Variants in ACSM5 observed in about 807,000 individuals in gnomAD.
ACSM5 encodes the protein acyl-coenzyme A synthetase ACSM5, mitochondrial.
ACSM5 carries 56 observed loss-of-function variants against 71.6 expected under a neutral mutation model. The observed-to-expected ratio is 0.78, with a 90% CI of 0.63 to 0.98. The LOEUF (loss-of-function observed/expected upper bound fraction) is 0.98. Among genes scored for constraint, ACSM5 ranks in the 50% least tolerant of loss-of-function variants. The pLI is 0.00. For synonymous variants in ACSM5, 285 were observed against 281.5 expected, an observed-to-expected ratio of 1.01 and a Z score of -0.12; for missense variants, 723 against 726.0, an observed-to-expected ratio of 1.00 and a Z score of 0.05.
chr16:20,439,672 G>C (rs925238946), intron 12 of ACSM5, 128 bp from the exon 13 acceptor site: 3 of 1,167,236 alleles, frequency 2.6e-6, no homozygotes, highest in Non-Finnish European at 3.6e-6. Context: ...CATTGGCTGT[G>C]CCCAAAAAAA....
chr16:20,429,677 G>T lies in ACSM5; in HGVS notation c.1002-1G>T. 6 of 1,613,888 alleles carry T rather than the reference G, an allele frequency of 3.7e-6. No individual in the cohort carries two copies. The highest frequency in any genetic ancestry group is 2.2e-5 in the East Asian group (1 of 44,834). On this transcript the variant is annotated splice_acceptor_variant, in intron 7 of 13. Transcript: ENST00000331849. LOFTEE classifies it high-confidence loss of function. Reference sequence around the variant, plus strand: ...TGGCCTTGTTTTCCTGTCTGAGAAAGGTACCAGTTTCAGAGCCTGAGGCAC... The same window carrying T: ...TGGCCTTGTTTTCCTGTCTGAGAAATGTACCAGTTTCAGAGCCTGAGGCAC...
Position 20,419,231 on chromosome 16 carries a change from CTG to C in ACSM5, c.422_423del (p.Val141AspfsTer29). On this transcript the variant is annotated frameshift_variant, in exon 4 of 14. Transcript: ENST00000331849. LOFTEE classifies it high-confidence loss of function. The stretch of plus-strand genomic sequence containing the variant: ...ATCCCCTTCTGTTTTATGCCAGGGA[CTG>C]TGATGATTCCGGGTGTGACTCAGCT... 3.7e-6 allele frequency: 6 copies of C among 1,614,102 alleles called. No homozygotes were observed. The highest frequency in any genetic ancestry group is 4.2e-6 in the Non-Finnish European group (5 of 1,179,992).
chr16:20,422,443 G>T (rs561979160), intron 5 of ACSM5, among the ~76,000 whole-genome samples: 2 of 152,290 alleles, frequency 1.3e-5, no homozygotes, highest in East Asian at 3.9e-4. Context: ...TTCACCTGTT[G>T]ATAGACACTT....
chr16:20,409,949 G>T (rs1439387762), intron 1 of ACSM5, among the ~76,000 whole-genome samples: 1 of 151,888 alleles, frequency 6.6e-6, no homozygotes, highest in African/African-American at 2.4e-5. Context: ...TCAGAGAAAG[G>T]AAGTCTCTGA....
At chr16:20,437,529 T>C (rs1237260077) in intron 12 of ACSM5, among the ~76,000 whole-genome samples, 162 bp downstream of exon 12, 2 of 152,030 alleles carry the variant, frequency 1.3e-5, no homozygotes, top group Non-Finnish European at 2.9e-5. Flanking sequence ...TCTTTAGAGA[T>C]ACAATTACTC....
chr16:20,430,727 T>A (rs1967076209), intron 8 of ACSM5, among the ~76,000 whole-genome samples: 121 of 98,624 alleles, frequency 1.2e-3, no homozygotes, highest in Middle Eastern at 6.4e-3. Flanking sequence ...GGAAAGAAAA[T>A]GAAGGAGGGA....
intron 10 of ACSM5, among the ~76,000 whole-genome samples, chr16:20,434,580 G>C (rs187801346): frequency 1.3e-5 from 2 of 152,166 alleles, no homozygotes; most frequent in Non-Finnish European, 2.9e-5. Context: ...TGTAGTCCCA[G>C]CTACTTGGGA....
chr16:20,411,347 A>C, intron 1 of ACSM5, 123 bp from the exon 2 acceptor site: 2 of 747,416 alleles, frequency 2.7e-6, no homozygotes, highest in Non-Finnish European at 4.4e-6. Context: ...TGGAGAGTTT[A>C]TTCTACAAGT....
At chr16:20,428,053 T>C (rs1251437580) in intron 7 of ACSM5, among the ~76,000 whole-genome samples, 186 bp downstream of exon 7, 4 of 152,128 alleles carry the variant, frequency 2.6e-5, no homozygotes, top group African/African-American at 9.7e-5. Flanking sequence ...CATTGACAAG[T>C]CAACATACCT....
intron 10 of ACSM5, among the ~76,000 whole-genome samples, chr16:20,435,091 G>A (rs1250927079): frequency 1.3e-5 from 2 of 152,192 alleles, no homozygotes; most frequent in Non-Finnish European, 2.9e-5. Flanking sequence ...GGAGTGCAGT[G>A]GTGTGATCTT....
intron 10 of ACSM5, among the ~76,000 whole-genome samples, chr16:20,431,630 G>A (rs1276918849): frequency 6.6e-6 from 1 of 151,954 alleles, no homozygotes; most frequent in African/African-American, 2.4e-5. Context: ...TGAAAATCGA[G>A]GTACAGTAAA....
intron 12 of ACSM5, 76 bp downstream of exon 12, chr16:20,437,443 A>C: frequency 8.5e-7 from 1 of 1,170,072 alleles, no homozygotes; most frequent in Non-Finnish European, 1.3e-6. Context: ...AGGAAGGCTC[A>C]GATTGTCCTG....
intron 6 of ACSM5, 129 bp downstream of exon 6, chr16:20,424,198 G>A: frequency 2.5e-6 from 3 of 1,204,324 alleles, no homozygotes; most frequent in Non-Finnish European, 2.3e-6. Flanking sequence ...TGGCTCCCTG[G>A]CCTTCCATAA....
At chr16:20,414,508 C>G (rs985483468) in intron 2 of ACSM5, among the ~76,000 whole-genome samples, 1 of 152,190 alleles carries the variant, frequency 6.6e-6, no homozygotes, top group Non-Finnish European at 1.5e-5. Context: ...CTTCTGACAC[C>G]TTGATGTTAG....
intron 4 of ACSM5, chr16:20,419,674 G>T (rs542526723): frequency 4.1e-4 from 223 of 548,818 alleles, no homozygotes; most frequent in African/African-American, 4.0e-3. Context: ...CTATAATGCG[G>T]TGGTAGTTAT....
chr16:20,411,930 G>A (rs1339571027), intron 2 of ACSM5: 6 of 532,158 alleles, frequency 1.1e-5, no homozygotes, highest in East Asian at 3.4e-5. Context: ...AAATCACACA[G>A]TGAGACAGTT....
chr16:20,436,978 G>A lies in ACSM5; in HGVS notation c.1309-74G>A, dbSNP rs1406355375. On this transcript the variant is annotated intron_variant, in intron 10 of 13. Coordinates refer to ENST00000331849, the MANE Select transcript of ACSM5 (RefSeq NM_017888.3). ...TTGAGTGGTCTCCAGCTTCCTACAG[G>A]GGGCTACTGGGGCAGTAACTGGCCT... 10 of 1,523,120 alleles carry A rather than the reference G, an allele frequency of 6.6e-6. No individual in the cohort carries two copies. In the East Asian group the frequency reaches 2.1e-4, roughly 32 times the overall value. 94.4% of individuals were successfully genotyped at this position (1,523,120 alleles called of 1,614,324 possible).
intron 2 of ACSM5, among the ~76,000 whole-genome samples, chr16:20,417,794 T>C (rs1446202843): frequency 6.6e-6 from 1 of 152,148 alleles, no homozygotes; most frequent in Admixed American, 6.5e-5. Context: ...GAAAAAAATA[T>C]ATGCTTGTGT....
chr16:20,435,581 G>A (rs1596624179), intron 10 of ACSM5, among the ~76,000 whole-genome samples: 2 of 152,196 alleles, frequency 1.3e-5, no homozygotes, highest in African/African-American at 4.8e-5. Context: ...CACCACAGTC[G>A]AATAGGGAAC....
Sources: allele counts gnomAD v4.1 joint callset (sites outside exome capture counted in the v4.1 genomes callset), GRCh38; gene constraint gnomAD v4.1.1; transcripts MANE v1.5; gene names NCBI Gene and HGNC (gene_info 2026-07-23, HGNC 2026-07-21).